The following LARP1B variants were observed in gnomAD, a reference collection of about 807,000 sequenced individuals.
LARP1B encodes la-related protein 1B.
A neutral mutation model predicts 114.2 loss-of-function variants in LARP1B; 76 were observed. The observed-to-expected ratio is 0.67, with a 90% confidence interval of 0.55 to 0.81. The LOEUF (loss-of-function observed/expected upper bound fraction) is 0.81, where lower values mean the gene tolerates loss of function less well. LARP1B is among the 30% of genes least tolerant of loss of function. The pLI is 0.00. For missense variants in LARP1B, 1,014 were observed against 1,075.8 expected (o/e 0.94, Z 0.80); for synonymous variants, 345 against 348.0 (o/e 0.99, Z 0.10).
At position 128,210,205 on chromosome 4, in the gene LARP1B, G is replaced by A; in HGVS notation, c.*152G>A. The A allele has an allele frequency of 7.0e-7, 1 of 1,422,598 alleles. No individual in the cohort carries two copies. The highest frequency in any genetic ancestry group is 9.2e-7 in the Non-Finnish European group (1 of 1,090,598). 88.1% of individuals were successfully genotyped at this position (1,422,598 alleles called of 1,614,324 possible). On this transcript the variant is annotated 3_prime_UTR_variant, in exon 20 of 20. Transcript: ENST00000326639. ...GTTTAATTGTGATAATAAGAAAGAA[G>A]AAAAAGAAAGAAAAGTGGTAGCATT...
intron 7 of LARP1B, among the ~76,000 whole-genome samples, chr4:128,097,457 G>A (rs1421786600): frequency 3.9e-5 from 6 of 151,980 alleles, no homozygotes; most frequent in Admixed American, 6.6e-5. Flanking sequence ...ACAGGCATGC[G>A]CTACCACACC....
At chr4:128,134,821 A>G (rs1421589044) in intron 11 of LARP1B, among the ~76,000 whole-genome samples, 1 of 152,026 alleles carries the variant, frequency 6.6e-6, no homozygotes, top group Non-Finnish European at 1.5e-5. Flanking sequence ...AATGGCTAAT[A>G]AGGCTGGGCG....
At chr4:128,066,350 G>A (rs779332240) in intron 1 of LARP1B, among the ~76,000 whole-genome samples, 3 of 150,796 alleles carry the variant, frequency 2.0e-5, no homozygotes, top group Non-Finnish European at 4.4e-5. Flanking sequence ...CTGATTTTTT[G>A]TATTATTTTA....
chr4:128,096,932 G>GCTCT (rs1454988362), intron 7 of LARP1B, among the ~76,000 whole-genome samples: 1 of 146,680 alleles, frequency 6.8e-6, no homozygotes, highest in Non-Finnish European at 1.5e-5. Flanking sequence ...AGACAGTCTT[G>GCTCT]CTCTCGCCCA....
chr4:128,070,841 CAT>C (rs1365945458), intron 1 of LARP1B, among the ~76,000 whole-genome samples: 5 of 151,372 alleles, frequency 3.3e-5, no homozygotes, highest in Admixed American at 3.3e-4. Context: ...ATATGGCTGA[CAT>C]AGTTGATTTA....
intron 5 of LARP1B, among the ~76,000 whole-genome samples, chr4:128,090,197 C>T (rs1337151984): frequency 1.3e-5 from 2 of 151,720 alleles, no homozygotes; most frequent in Admixed American, 1.3e-4. Flanking sequence ...TTCAGCCTCC[C>T]GAGTAGCTGG....
At chr4:128,145,561 C>G (rs889882524) in intron 11 of LARP1B, among the ~76,000 whole-genome samples, 4 of 152,178 alleles carry the variant, frequency 2.6e-5, no homozygotes, top group African/African-American at 4.8e-5. Context: ...TTATTGCCCC[C>G]CTCTTCCCTG....
At chr4:128,168,146 G>T (rs575919575) in intron 12 of LARP1B, among the ~76,000 whole-genome samples, 1 of 152,096 alleles carries the variant, frequency 6.6e-6, no homozygotes, top group Admixed American at 6.6e-5. Flanking sequence ...GGCACTGTTG[G>T]ATCATACAGT....
intron 12 of LARP1B, among the ~76,000 whole-genome samples, chr4:128,164,879 A>G (rs1373871775): frequency 2.0e-5 from 3 of 152,178 alleles, no homozygotes; most frequent in Admixed American, 6.6e-5. Flanking sequence ...AATGTATTAT[A>G]AGATGTGGTG....
intron 7 of LARP1B, among the ~76,000 whole-genome samples, chr4:128,220,948 G>T (rs1254029194): frequency 2.0e-5 from 3 of 152,206 alleles, no homozygotes; most frequent in Non-Finnish European, 4.4e-5. Flanking sequence ...CAGAGCCCAG[G>T]CTCTTCATCT....
At chr4:128,065,253 ATTTCTTTC>A (rs199707342) in intron 1 of LARP1B, among the ~76,000 whole-genome samples, 2,656 of 89,062 alleles carry the variant, frequency 0.03, 51 homozygotes, top group East Asian at 0.062. Flanking sequence ...CCCACAATTA[ATTTCTTTC>A]TTTCTTTCTT....
At chr4:128,165,775 C>CA (rs1397863500) in intron 12 of LARP1B, among the ~76,000 whole-genome samples, 3 of 152,192 alleles carry the variant, frequency 2.0e-5, no homozygotes, top group East Asian at 1.9e-4. Context: ...AGCATTAGAT[C>CA]AAATTAATCG....
intron 12 of LARP1B, among the ~76,000 whole-genome samples, chr4:128,169,847 G>T (rs555692975): frequency 2.3e-4 from 35 of 152,076 alleles, no homozygotes; most frequent in Non-Finnish European, 4.4e-4. Context: ...ACGTTGGCCA[G>T]GCCGGTCTCA....
At chr4:128,091,208 CTA>C in intron 6 of LARP1B, 64 bp downstream of exon 6, 1 of 1,574,550 alleles carries the variant, frequency 6.4e-7, no homozygotes, top group African/African-American at 1.4e-5. Flanking sequence ...CAACTATCCT[CTA>C]TTATGTTTTA....
At chr4:128,178,035 GAT>G (rs35878913) in intron 13 of LARP1B, among the ~76,000 whole-genome samples, 17,273 of 137,614 alleles carry the variant, frequency 0.13, 1,226 homozygotes, top group African/African-American at 0.21. Flanking sequence ...TTTACAAAGT[GAT>G]ATATATATAT....
At chr4:128,106,396 A>G (rs575659791) in intron 8 of LARP1B, among the ~76,000 whole-genome samples, 74 of 152,322 alleles carry the variant, frequency 4.9e-4, no homozygotes, top group South Asian at 2.5e-3. Context: ...TAATGTACAT[A>G]TAACTTTATA....
intron 11 of LARP1B, among the ~76,000 whole-genome samples, chr4:128,145,103 G>C (rs925876345): frequency 5.3e-5 from 8 of 152,108 alleles, no homozygotes; most frequent in African/African-American, 1.9e-4. Flanking sequence ...TTTATTGGGC[G>C]TTGTAGGCTA....
rs1176402701 is a variant in LARP1B, at chr4:128,210,158, T to G, written c.*105T>G. ...TGAAGTCAACATTTACATCAGTATT[T>G]ATTTGGGGAAAATCTTCTGGTGTTT... On this transcript the variant is annotated 3_prime_UTR_variant, in exon 20 of 20. Transcript: ENST00000326639. The G allele has an allele frequency of 6.5e-7, 1 of 1,544,134 alleles. No individual in the cohort carries two copies. The highest frequency in any genetic ancestry group is 8.7e-7 in the Non-Finnish European group (1 of 1,145,788).
chr4:128,090,933 T>G (rs772629003), intron 5 of LARP1B, 68 bp from the exon 6 acceptor site: 28 of 1,254,158 alleles, frequency 2.2e-5, no homozygotes, highest in Non-Finnish European at 3.0e-5. Context: ...TATTATGTTT[T>G]CATAAAGACA....
Sources: allele counts gnomAD v4.1 joint callset (sites outside exome capture counted in the v4.1 genomes callset), GRCh38; gene constraint gnomAD v4.1.1; transcripts MANE v1.5; gene names NCBI Gene and HGNC (gene_info 2026-07-23, HGNC 2026-07-21).